DNAH8: variants seen among roughly 807,000 people sequenced by gnomAD.
The protein encoded by DNAH8 is axonemal beta dynein heavy chain 8.
Under a neutral mutation model 562.1 loss-of-function variants are expected in DNAH8, and 382 were observed. The observed-to-expected ratio is 0.68, with a 90% CI of 0.63 to 0.74. The LOEUF is 0.74. DNAH8 is among the 30% of genes least tolerant of loss of function. DNAH8 has a pLI of 0.00. For missense variants in DNAH8, 5,203 were observed against 5,620.4 expected (o/e 0.93, Z 2.37); for synonymous variants, 1,881 against 1,919.4 (o/e 0.98, Z 0.52).
chr6:38,855,474 T>G (rs565921325), intron 41 of DNAH8, among the ~76,000 whole-genome samples: 79 of 152,342 alleles, frequency 5.2e-4, no homozygotes, highest in African/African-American at 1.9e-3. Flanking sequence ...AATACGTTAT[T>G]TATGTATTTA....
chr6:38,824,878 T>G (rs1773174180), intron 28 of DNAH8, among the ~76,000 whole-genome samples: 1 of 152,196 alleles, frequency 6.6e-6, no homozygotes, highest in African/African-American at 2.4e-5. Flanking sequence ...TACAAGTACT[T>G]AAGGGGGACT....
intron 91 of DNAH8, among the ~76,000 whole-genome samples, chr6:39,022,499 G>A (rs886602642): frequency 6.6e-6 from 1 of 152,192 alleles, no homozygotes; most frequent in Admixed American, 6.5e-5. Context: ...CCCACCTGCA[G>A]GCAGGAGGCA....
chr6:38,761,844 C>G, intron 11 of DNAH8, 41 bp downstream of exon 11: 1 of 1,192,828 alleles, frequency 8.4e-7, no homozygotes, highest in Non-Finnish European at 1.2e-6. Context: ...TAAATCTTTT[C>G]CCATCCTGCC....
At chr6:38,876,781 C>T (rs1404820527) in intron 53 of DNAH8, among the ~76,000 whole-genome samples, 1 of 152,206 alleles carries the variant, frequency 6.6e-6, no homozygotes, top group East Asian at 1.9e-4. Flanking sequence ...TAAAGAGTTA[C>T]TGTTTGAATC....
At chr6:38,866,566 A>T in intron 45 of DNAH8, 25 bp from the exon 46 acceptor site, 1 of 1,526,572 alleles carries the variant, frequency 6.6e-7, no homozygotes, top group Non-Finnish European at 8.9e-7. Context: ...TAGCAATTAA[A>T]AATTAAACAT....
chr6:39,030,359 G>C lies in DNAH8; in HGVS notation c.14091G>C (p.Leu4697=), dbSNP rs1282306162. Residue 4697 remains leucine (L), a synonymous_variant, in exon 93 of 93, where the codon CTG becomes CTC. Transcript: ENST00000327475. ...RTVLSPDHWI[L]RGVALLCDIK is the part of the protein sequence containing the mutation. ...TGTTGTCCCCGGATCACTGGATCCT[G>C]AGAGGAGTGGCCCTTTTGTGTGACA... 1 of 1,614,162 alleles carries C rather than the reference G, an allele frequency of 6.2e-7. No individual in the cohort carries two copies. The highest frequency in any genetic ancestry group is 8.5e-7 in the Non-Finnish European group (1 of 1,180,022).
At chr6:38,722,489 C>A (rs751692475) in intron 1 of DNAH8, among the ~76,000 whole-genome samples, 1 of 151,676 alleles carries the variant, frequency 6.6e-6, no homozygotes, top group Non-Finnish European at 1.5e-5. Context: ...GTTACTATGG[C>A]AGGGATGGGA....
chr6:38,886,437 T>C (rs1207536137), intron 56 of DNAH8, among the ~76,000 whole-genome samples: 1 of 152,226 alleles, frequency 6.6e-6, no homozygotes, highest in African/African-American at 2.4e-5. Context: ...TAAAGGTTTT[T>C]AAGTGTTGAA....
chr6:38,789,278 C>G (rs1247957121), intron 18 of DNAH8, among the ~76,000 whole-genome samples: 3 of 152,140 alleles, frequency 2.0e-5, no homozygotes, highest in East Asian at 3.8e-4. Flanking sequence ...GATAAAGTAA[C>G]TCGAATCTGC....
At chr6:39,009,139 T>A (rs957617102) in intron 89 of DNAH8, among the ~76,000 whole-genome samples, 169 bp downstream of exon 89, 12 of 152,222 alleles carry the variant, frequency 7.9e-5, no homozygotes, top group African/African-American at 2.9e-4. Context: ...ATTGTTCACA[T>A]AGTTCTCTCT....
intron 55 of DNAH8, among the ~76,000 whole-genome samples, 198 bp from the exon 56 acceptor site, chr6:38,883,678 A>G (rs1229451068): frequency 1.3e-5 from 2 of 152,216 alleles, no homozygotes; most frequent in East Asian, 1.9e-4. Flanking sequence ...ACTTTGGAGC[A>G]TATCTACTGT....
chr6:38,955,592 T>C (rs750417417), intron 82 of DNAH8, among the ~76,000 whole-genome samples: 3 of 151,934 alleles, frequency 2.0e-5, no homozygotes, highest in Non-Finnish European at 2.9e-5. Context: ...GATTGTGCCA[T>C]TGCACTCCAG....
chr6:38,888,606 G>A (rs1779123602), intron 57 of DNAH8, among the ~76,000 whole-genome samples: 1 of 152,150 alleles, frequency 6.6e-6, no homozygotes, highest in South Asian at 2.1e-4. Context: ...AAAAGAGGAA[G>A]CTAAATAGCC....
chr6:38,741,703 G>T lies in DNAH8; in HGVS notation c.1117-8G>T. ...ATTTCTATATTTTATAAATTTTTTT[G>T]ACTGCAGGTACTTATTGAGAGTGAG... On this transcript the variant is annotated splice_region_variant and splice_polypyrimidine_tract_variant and intron_variant, in intron 7 of 92. Coordinates refer to ENST00000327475, the MANE Select transcript of DNAH8 (RefSeq NM_001206927.2). 2 of 1,567,754 alleles carry T rather than the reference G, an allele frequency of 1.3e-6. No individual in the cohort carries two copies. Among genetic ancestry groups the T allele is most frequent in the South Asian group, 2.4e-5 (2 of 82,730 alleles).
Position 38,898,357 on chromosome 6 carries a change from G to A in DNAH8, c.9040G>A (p.Asp3014Asn). The A allele has an allele frequency of 6.3e-7, 1 of 1,583,074 alleles. No individual in the cohort carries two copies. The highest frequency in any genetic ancestry group is 1.7e-4 in the Middle Eastern group (1 of 5,982). The change falls in exon 61 of 93, where the codon GAT (aspartate) becomes AAT (asparagine). Residue 3014 changes from aspartate (D) to asparagine (N), a missense_variant. Asp to Asn is a conservative substitution (Grantham distance 23, BLOSUM62 1). Transcript: ENST00000327475. Reference sequence around the variant, plus strand: ...ATCTCTTGATCTGGTGTTTTTTAAAGATGCAATGACTCATCTTATTAAGGT... The same window carrying A: ...ATCTCTTGATCTGGTGTTTTTTAAAAATGCAATGACTCATCTTATTAAGGT... ...GTSLDLVFFK[D>N]AMTHLIKISR...
chr6:38,960,913 G>T (rs968412034), intron 82 of DNAH8, among the ~76,000 whole-genome samples: 1 of 151,812 alleles, frequency 6.6e-6, no homozygotes, highest in Non-Finnish European at 1.5e-5. Context: ...ATTCATAAAA[G>T]CCAAGATATA....
At position 39,012,329 on chromosome 6, in the gene DNAH8, C is replaced by G. The variant is rs934977401; in HGVS notation, c.13486C>G (p.Leu4496Val). 48 of 1,613,064 alleles carry G rather than the reference C, an allele frequency of 3.0e-5. No homozygotes were observed. Among genetic ancestry groups the G allele is most frequent in the Non-Finnish European group, 4.0e-5 (47 of 1,179,294 alleles). Residue 4496 changes from leucine to valine, a missense_variant, in exon 90 of 93, where the codon CTA (leucine) becomes GTA (valine). Physicochemically the swap from Leu to Val is conservative, Grantham distance 32. Coordinates refer to ENST00000327475, the MANE Select transcript of DNAH8 (RefSeq NM_001206927.2). ...ISILRSSLSD[L>V]KLAIEGTIIM... ...AATACTCCGCAGTAGCCTGAGTGAT[C>G]TAAAATTGGCCATTGAAGGAACAAT...
intron 92 of DNAH8, among the ~76,000 whole-genome samples, chr6:39,027,761 G>A (rs1307011901): frequency 6.6e-6 from 1 of 152,140 alleles, no homozygotes; most frequent in African/African-American, 2.4e-5. Flanking sequence ...AGGAGGCGGA[G>A]GTTGCGGTGA....
chr6:38,801,577 C>A (rs1472615247), intron 21 of DNAH8, among the ~76,000 whole-genome samples: 1 of 152,222 alleles, frequency 6.6e-6, no homozygotes, highest in Non-Finnish European at 1.5e-5. Context: ...TTGCTTAACA[C>A]TTATTTTCCC....
Sources: allele counts gnomAD v4.1 joint callset (sites outside exome capture counted in the v4.1 genomes callset), GRCh38; gene constraint gnomAD v4.1.1; transcripts MANE v1.5; gene names NCBI Gene and HGNC (gene_info 2026-07-23, HGNC 2026-07-21).